The following DGCR2 variants were observed in gnomAD, a reference collection of about 807,000 sequenced individuals.
The protein encoded by DGCR2 is integral membrane protein DGCR2/IDD.
In DGCR2, 24 loss-of-function variants were observed where a neutral mutation model predicts 51.6. The observed-to-expected ratio is 0.47, with a 90% CI of 0.34 to 0.65. The LOEUF is 0.65. DGCR2 is among the 30% of genes least tolerant of loss of function. The probability of loss-of-function intolerance (pLI) is 0.01; values close to 1 mark genes in which losing one functional copy is unlikely to be tolerated. For missense variants in DGCR2, 765 were observed against 772.1 expected (o/e 0.99, Z 0.11); for synonymous variants, 340 against 315.4 (o/e 1.08, Z -0.82).
intron 6 of DGCR2, among the ~76,000 whole-genome samples, chr22:19,053,712 A>C (rs1283561496): frequency 2.0e-5 from 3 of 152,204 alleles, no homozygotes; most frequent in Non-Finnish European, 4.4e-5. Context: ...ACAATCAAAA[A>C]ACCAGACTCA....
intron 2 of DGCR2, among the ~76,000 whole-genome samples, chr22:19,084,306 G>A (rs1253728784): frequency 6.6e-6 from 1 of 151,276 alleles, no homozygotes; most frequent in African/African-American, 2.4e-5. Flanking sequence ...CATCATCTGA[G>A]ATATGGGGAG....
chr22:19,059,402 C>T (rs1310330656), intron 5 of DGCR2, among the ~76,000 whole-genome samples: 1 of 152,052 alleles, frequency 6.6e-6, no homozygotes, highest in East Asian at 1.9e-4. Flanking sequence ...CCCGATACTG[C>T]ACTGGGGATG....
intron 1 of DGCR2, among the ~76,000 whole-genome samples, chr22:19,093,292 G>A (rs1337027355): frequency 4.0e-5 from 6 of 151,736 alleles, no homozygotes; most frequent in Non-Finnish European, 5.9e-5. Flanking sequence ...TCTGGGAGGC[G>A]GAGGTTGTGG....
At position 19,038,698 on chromosome 22, in the gene DGCR2, T is replaced by C. The variant is rs557701292; in HGVS notation, c.*167A>G. The C allele has an allele frequency of 4.6e-6, 4 of 873,044 alleles. No homozygotes were observed. The highest frequency in any genetic ancestry group is 7.0e-6 in the Non-Finnish European group (4 of 573,832). 54.1% of individuals were successfully genotyped at this position (873,044 alleles called of 1,614,324 possible). On this transcript the variant is annotated 3_prime_UTR_variant, in exon 10 of 10. Coordinates refer to ENST00000263196, the MANE Select transcript of DGCR2 (RefSeq NM_005137.3). The stretch of plus-strand genomic sequence containing the variant: ...GCTCGGTGCAGGCCATCACTTCTTT[T>C]GGCAGAAGGCGGGCTGTGGTCTCTA...
intron 1 of DGCR2, among the ~76,000 whole-genome samples, chr22:19,091,840 T>C (rs2083082283): frequency 1.3e-5 from 2 of 151,734 alleles, no homozygotes; most frequent in Non-Finnish European, 2.9e-5. Flanking sequence ...CGTGGGAGGC[T>C]GAGGCAGGAG....
chr22:19,085,120 A>AC (rs1487823753), intron 2 of DGCR2, among the ~76,000 whole-genome samples: 1 of 151,718 alleles, frequency 6.6e-6, no homozygotes, highest in Non-Finnish European at 1.5e-5. Context: ...AAAAAAAAAA[A>AC]CAAAGATGGT....
chr22:19,111,002 TCA>T (rs2083308209), intron 1 of DGCR2, among the ~76,000 whole-genome samples: 1 of 152,262 alleles, frequency 6.6e-6, no homozygotes, highest in South Asian at 2.1e-4. Flanking sequence ...TGTTTTATAT[TCA>T]GTTATACACA....
At chr22:19,119,074 G>GA (rs1407553330) in intron 1 of DGCR2, among the ~76,000 whole-genome samples, 2 of 152,146 alleles carry the variant, frequency 1.3e-5, no homozygotes, top group Non-Finnish European at 2.9e-5. Flanking sequence ...TATCCACATG[G>GA]AAAAAGATTC....
At chr22:19,047,554 T>A (rs774542940) in intron 7 of DGCR2, 4 of 152,234 alleles carry the variant, frequency 2.6e-5, no homozygotes, top group Non-Finnish European at 5.9e-5. Context: ...TACATTTCTC[T>A]TGAGATCTGA....
intron 2 of DGCR2, among the ~76,000 whole-genome samples, chr22:19,079,846 G>A (rs1459265458): frequency 6.6e-6 from 1 of 152,204 alleles, no homozygotes; most frequent in Non-Finnish European, 1.5e-5. Context: ...CTTCTGGTCT[G>A]GTGTGCTTTG....
chr22:19,118,744 A>G (rs1229175843), intron 1 of DGCR2, among the ~76,000 whole-genome samples: 1 of 152,236 alleles, frequency 6.6e-6, no homozygotes, highest in Non-Finnish European at 1.5e-5. Flanking sequence ...TCAGCTATGT[A>G]TGGTGGGTTC....
At chr22:19,075,971 T>TGCGCCATGACGCCCGGCTAA (rs1454117968) in intron 2 of DGCR2, among the ~76,000 whole-genome samples, 1 of 151,770 alleles carries the variant, frequency 6.6e-6, no homozygotes, top group African/African-American at 2.4e-5. Context: ...TCTACTTTTA[T>TGCGCCATGACGCCCGGCTAA]TTTTTGAGAC....
chr22:19,070,014 A>C (rs2082796155), intron 2 of DGCR2, among the ~76,000 whole-genome samples: 1 of 152,212 alleles, frequency 6.6e-6, no homozygotes, highest in African/African-American at 2.4e-5. Flanking sequence ...CCAAAATACA[A>C]CCTAAGGACC....
At chr22:19,050,500 G>A (rs895755516) in intron 6 of DGCR2, among the ~76,000 whole-genome samples, 2 of 152,242 alleles carry the variant, frequency 1.3e-5, no homozygotes, top group Admixed American at 6.5e-5. Flanking sequence ...TCCCCAGATA[G>A]TAATTTGAAT....
intron 1 of DGCR2, among the ~76,000 whole-genome samples, chr22:19,102,658 C>T (rs1169635108): frequency 6.6e-6 from 1 of 151,120 alleles, no homozygotes; most frequent in Non-Finnish European, 1.5e-5. Flanking sequence ...GCCAAGACTG[C>T]ACCACTGTAC....
intron 2 of DGCR2, among the ~76,000 whole-genome samples, chr22:19,087,531 C>T (rs2083030763): frequency 6.6e-6 from 1 of 152,146 alleles, no homozygotes; most frequent in East Asian, 1.9e-4. Flanking sequence ...GTGCTCGCCA[C>T]CACGCCCAGC....
chr22:19,094,690 T>C (rs1291683995), intron 1 of DGCR2, among the ~76,000 whole-genome samples: 2 of 152,246 alleles, frequency 1.3e-5, no homozygotes, highest in African/African-American at 2.4e-5. Flanking sequence ...CAAAGACTTG[T>C]TCATAGTACT....
intron 2 of DGCR2, among the ~76,000 whole-genome samples, chr22:19,074,632 C>G (rs1172211896): frequency 6.6e-6 from 1 of 152,002 alleles, no homozygotes; most frequent in Non-Finnish European, 1.5e-5. Flanking sequence ...ACAGCTAAAA[C>G]AATGTTTGCC....
At chr22:19,086,181 G>A (rs112722085) in intron 2 of DGCR2, among the ~76,000 whole-genome samples, 2,443 of 152,116 alleles carry the variant, frequency 0.016, 70 homozygotes, top group African/African-American at 0.056. Context: ...AGAACAATTA[G>A]AAATCAACCT....
Sources: allele counts gnomAD v4.1 joint callset (sites outside exome capture counted in the v4.1 genomes callset), GRCh38; gene constraint gnomAD v4.1.1; transcripts MANE v1.5; gene names NCBI Gene and HGNC (gene_info 2026-07-23, HGNC 2026-07-21).